The following SLC35F1 variants were observed in gnomAD, a reference collection of about 807,000 sequenced individuals.
SLC35F1 encodes solute carrier family 35 member F1.
Under a neutral mutation model 48.7 loss-of-function variants are expected in SLC35F1, and 14 were observed. The observed-to-expected ratio is 0.29, with a 90% CI of 0.19 to 0.45. The LOEUF (loss-of-function observed/expected upper bound fraction) is 0.45. Among genes scored for constraint, SLC35F1 ranks in the 20% least tolerant of loss-of-function variants. The pLI is 1.00. For missense variants in SLC35F1, 404 were observed against 500.0 expected, an observed-to-expected ratio of 0.81 and a Z score of 1.83; for synonymous variants, 190 against 202.2, an observed-to-expected ratio of 0.94 and a Z score of 0.51.
chr6:118,042,250 C>T (rs1772234289), intron 1 of SLC35F1, among the ~76,000 whole-genome samples: 1 of 152,138 alleles, frequency 6.6e-6, no homozygotes, highest in African/African-American at 2.4e-5. Context: ...CTGTCCTAGC[C>T]TTTGTAAAGC....
intron 7 of SLC35F1, among the ~76,000 whole-genome samples, chr6:118,301,127 G>C (rs1582778195): frequency 6.6e-6 from 1 of 152,280 alleles, no homozygotes; most frequent in East Asian, 1.9e-4. Flanking sequence ...CTCCTTCTCT[G>C]CTGGGTGCTG....
chr6:118,064,564 C>T (rs1025399530), intron 1 of SLC35F1, among the ~76,000 whole-genome samples: 5 of 152,092 alleles, frequency 3.3e-5, no homozygotes, highest in Admixed American at 3.3e-4. Flanking sequence ...TAAGCAAAAC[C>T]AGCTGGACTT....
intron 2 of SLC35F1, among the ~76,000 whole-genome samples, chr6:118,175,828 G>T (rs959416761): frequency 6.6e-6 from 1 of 152,098 alleles, no homozygotes; most frequent in Admixed American, 6.6e-5. Context: ...TGCTCCACTT[G>T]AGAAAGTATC....
intron 7 of SLC35F1, among the ~76,000 whole-genome samples, chr6:118,309,102 A>C (rs1258643575): frequency 6.6e-6 from 1 of 152,112 alleles, no homozygotes; most frequent in Non-Finnish European, 1.5e-5. Context: ...CAAGGAAAAC[A>C]AGCATTCATT....
At chr6:118,022,028 G>T (rs1777402353) in intron 1 of SLC35F1, among the ~76,000 whole-genome samples, 1 of 152,090 alleles carries the variant, frequency 6.6e-6, no homozygotes, top group Non-Finnish European at 1.5e-5. Context: ...AAATCAAAAG[G>T]CTACCCACAT....
intron 1 of SLC35F1, among the ~76,000 whole-genome samples, chr6:117,979,141 T>C (rs989633160): frequency 6.6e-5 from 10 of 152,212 alleles, no homozygotes; most frequent in South Asian, 4.1e-4. Context: ...TGTGGTCAGT[T>C]TAGATGGAAA....
At chr6:117,963,478 T>A (rs1776522868) in intron 1 of SLC35F1, among the ~76,000 whole-genome samples, 1 of 152,116 alleles carries the variant, frequency 6.6e-6, no homozygotes, top group Admixed American at 6.5e-5. Context: ...TAAAACTAAT[T>A]TTTATTTTAA....
chr6:117,941,811 C>A (rs1211178006), intron 1 of SLC35F1, among the ~76,000 whole-genome samples: 5 of 152,170 alleles, frequency 3.3e-5, no homozygotes, highest in African/African-American at 1.2e-4. Flanking sequence ...AGAAAACAGT[C>A]CTGCTCCCCC....
intron 1 of SLC35F1, among the ~76,000 whole-genome samples, chr6:117,952,351 TTACTC>T (rs1172563370): frequency 4.6e-5 from 7 of 152,334 alleles, no homozygotes; most frequent in African/African-American, 1.7e-4. Context: ...CTGCTCCTCT[TTACTC>T]TACATTTTGC....
intron 3 of SLC35F1, among the ~76,000 whole-genome samples, chr6:118,256,022 T>C (rs1775638456): frequency 6.6e-6 from 1 of 151,872 alleles, no homozygotes; most frequent in Non-Finnish European, 1.5e-5. Flanking sequence ...ACCAAAAAAG[T>C]TTGTTCCAGA....
chr6:118,172,216 C>T (rs1774416382), intron 2 of SLC35F1, among the ~76,000 whole-genome samples: 1 of 151,878 alleles, frequency 6.6e-6, no homozygotes, highest in Non-Finnish European at 1.5e-5. Flanking sequence ...AGGGATAACC[C>T]TTGGACATCT....
intron 1 of SLC35F1, among the ~76,000 whole-genome samples, chr6:118,140,341 G>A (rs2114441076): frequency 6.6e-6 from 1 of 152,302 alleles, no homozygotes; most frequent in East Asian, 1.9e-4. Flanking sequence ...GATTTTAATG[G>A]AGCTAAGAAA....
chr6:118,021,931 G>A (rs149588453), intron 1 of SLC35F1, among the ~76,000 whole-genome samples: 27 of 152,262 alleles, frequency 1.8e-4, no homozygotes, highest in African/African-American at 4.6e-4. Context: ...GAGGTGGTGC[G>A]GAGAGTGGGG....
At chr6:118,154,413 C>T (rs1214623918) in intron 1 of SLC35F1, 32 bp from the exon 2 acceptor site, 4 of 1,582,626 alleles carry the variant, frequency 2.5e-6, no homozygotes, top group Non-Finnish European at 3.4e-6. Flanking sequence ...TCCTGCTGAC[C>T]TTTGCTGTGT....
At chr6:118,050,143 C>T (rs1772366024) in intron 1 of SLC35F1, among the ~76,000 whole-genome samples, 1 of 151,894 alleles carries the variant, frequency 6.6e-6, no homozygotes, top group Non-Finnish European at 1.5e-5. Flanking sequence ...CATGTTCTCA[C>T]TCATAGGTGG....
At chr6:118,266,620 T>C (rs568012419) in intron 3 of SLC35F1, among the ~76,000 whole-genome samples, 28 of 152,102 alleles carry the variant, frequency 1.8e-4, no homozygotes, top group African/African-American at 6.5e-4. Context: ...AGGGGGACAA[T>C]GTAAAAAGGC....
chr6:117,969,727 T>C (rs1776615609), intron 1 of SLC35F1, among the ~76,000 whole-genome samples: 1 of 150,554 alleles, frequency 6.6e-6, no homozygotes, highest in African/African-American at 2.5e-5. Flanking sequence ...AAAAAAAAAA[T>C]CATCTGCAAT....
chr6:117,923,608 C>T (rs62432051), intron 1 of SLC35F1, among the ~76,000 whole-genome samples: 6 of 26,072 alleles, frequency 2.3e-4, no homozygotes, highest in African/African-American at 6.2e-4. Flanking sequence ...TGTATATATA[C>T]ATATACATAT....
chr6:117,909,501 A>G (rs1247816433), intron 1 of SLC35F1, among the ~76,000 whole-genome samples: 1 of 152,202 alleles, frequency 6.6e-6, no homozygotes, highest in Non-Finnish European at 1.5e-5. Context: ...AAACAAGATC[A>G]CTGAGGTAGG....
Sources: gnomAD v4.1 joint callset for allele counts (sites outside exome capture counted in the v4.1 genomes callset) on GRCh38, gnomAD v4.1.1 for gene constraint, MANE v1.5 for transcripts, NCBI Gene and HGNC (gene_info 2026-07-23, HGNC 2026-07-21) for gene names.